The following PCDH7 variants were observed in gnomAD, a reference collection of about 807,000 sequenced individuals.
PCDH7 encodes the protein protocadherin-7.
Under a neutral mutation model 58.9 loss-of-function variants are expected in PCDH7, and 17 were observed. The observed-to-expected ratio is 0.29, with a 90% confidence interval of 0.20 to 0.43. PCDH7 has a LOEUF of 0.43. Ranked by LOEUF, PCDH7 falls within the 20% of genes least tolerant of loss-of-function variation. The pLI is 1.00. For missense variants in PCDH7, 1,274 were observed against 1,441.0 expected (o/e 0.88, Z 1.88); for synonymous variants, 664 against 616.4 (o/e 1.08, Z -1.14).
chr4:30,892,583 G>T (rs982409491), intron 1 of PCDH7, among the ~76,000 whole-genome samples: 1 of 151,990 alleles, frequency 6.6e-6, no homozygotes, highest in Non-Finnish European at 1.5e-5. Flanking sequence ...TTCATGCAAT[G>T]AATTATACTG....
At chr4:31,067,554 T>C (rs1463977446) in intron 3 of PCDH7, among the ~76,000 whole-genome samples, 1 of 151,862 alleles carries the variant, frequency 6.6e-6, no homozygotes, top group Non-Finnish European at 1.5e-5. Flanking sequence ...CAGTAGGTAT[T>C]AGCAGGAGGA....
At chr4:31,085,195 G>A (rs1249776069) in intron 3 of PCDH7, among the ~76,000 whole-genome samples, 1 of 151,984 alleles carries the variant, frequency 6.6e-6, no homozygotes, top group Non-Finnish European at 1.5e-5. Context: ...ATAGGGAGTC[G>A]GAGCTGTCTT....
chr4:30,962,776 TAAAAAAAAAAAAAAAAAA>T (rs57257786), intron 3 of PCDH7, among the ~76,000 whole-genome samples: 2 of 70,610 alleles, frequency 2.8e-5, no homozygotes, highest in Admixed American at 1.7e-4. Flanking sequence ...GACCCAGTCT[TAAAAAAAAAAAAAAAAAA>T]AAAAAAAAAA....
intron 1 of PCDH7, among the ~76,000 whole-genome samples, chr4:30,772,825 T>C (rs1721585577): frequency 6.6e-6 from 1 of 152,232 alleles, no homozygotes; most frequent in South Asian, 2.1e-4. Flanking sequence ...TAGAAAGTGT[T>C]TTTACATGTA....
chr4:30,808,956 C>A (rs1426806923), intron 1 of PCDH7, among the ~76,000 whole-genome samples: 1 of 152,152 alleles, frequency 6.6e-6, no homozygotes, highest in Non-Finnish European at 1.5e-5. Context: ...AAGCACCCAT[C>A]TGGTAATTCT....
At chr4:30,860,598 G>A (rs1734079487) in intron 1 of PCDH7, among the ~76,000 whole-genome samples, 1 of 152,056 alleles carries the variant, frequency 6.6e-6, no homozygotes, top group African/African-American at 2.4e-5. Context: ...TATCTGCCCA[G>A]GATCTTCTCT....
At chr4:31,082,066 G>T (rs1032336561) in intron 3 of PCDH7, among the ~76,000 whole-genome samples, 3 of 152,130 alleles carry the variant, frequency 2.0e-5, no homozygotes, top group Non-Finnish European at 4.4e-5. Context: ...GATTACAGGC[G>T]TGAGTCACCA....
chr4:30,755,808 C>T (rs1246066484), intron 1 of PCDH7, among the ~76,000 whole-genome samples: 2 of 152,018 alleles, frequency 1.3e-5, no homozygotes, highest in African/African-American at 2.4e-5. Flanking sequence ...AGGCCAGGTG[C>T]GGTGGCTCAC....
intron 3 of PCDH7, among the ~76,000 whole-genome samples, chr4:31,025,776 G>C (rs549420013): frequency 1.3e-5 from 2 of 152,218 alleles, no homozygotes; most frequent in Non-Finnish European, 2.9e-5. Flanking sequence ...AATTAAGATT[G>C]CATTTTGCAA....
chr4:30,951,320 G>A (rs9992704), intron 3 of PCDH7, among the ~76,000 whole-genome samples: 43,771 of 151,934 alleles, frequency 0.29, 7,144 homozygotes, highest in African/African-American at 0.45. Context: ...ATTGGAATAC[G>A]GGAGAAATTG....
chr4:30,834,726 T>C (rs1327026154), intron 1 of PCDH7, among the ~76,000 whole-genome samples: 1 of 152,114 alleles, frequency 6.6e-6, no homozygotes, highest in Non-Finnish European at 1.5e-5. Flanking sequence ...AAATCAGCTT[T>C]TTCCCTTTGC....
At chr4:31,072,074 C>T (rs1758589928) in intron 3 of PCDH7, among the ~76,000 whole-genome samples, 2 of 152,032 alleles carry the variant, frequency 1.3e-5, no homozygotes. Flanking sequence ...ACAACACTCA[C>T]ATGGCTGCAC....
chr4:30,952,944 T>C (rs1747511189), intron 3 of PCDH7, among the ~76,000 whole-genome samples: 1 of 152,196 alleles, frequency 6.6e-6, no homozygotes, highest in Non-Finnish European at 1.5e-5. Context: ...TAACACTAAT[T>C]AATCTGTTAG....
intron 1 of PCDH7, among the ~76,000 whole-genome samples, chr4:30,903,215 T>G (rs1466781600): frequency 6.6e-6 from 1 of 152,130 alleles, no homozygotes; most frequent in African/African-American, 2.4e-5. Flanking sequence ...TAAGTTTTTA[T>G]ATAAATAACT....
chr4:30,721,462 T>C lies in PCDH7; in HGVS notation c.40T>C (p.Cys14Arg). The change falls in exon 1 of 2, where the codon TGC becomes CGC. Residue 14 changes from cysteine to arginine, a missense_variant. Physicochemically the swap from Cys to Arg is radical, Grantham distance 180. Transcript: ENST00000361762. This position sits in a 1 kb window ranked among gnomAD's most constrained non-coding sequence, Gnocchi z 6.7. ...GACCGCGGGATGGGCGCGCGGCTGG[T>C]GCTTGGGCTGCTGCCTCCTCCTGCC... 6.4e-7 allele frequency: 1 copy of C among 1,568,148 alleles called. No homozygotes were observed. The highest frequency in any genetic ancestry group is 8.6e-7 in the Non-Finnish European group (1 of 1,162,644).
chr4:31,055,410 A>G (rs371165943), intron 3 of PCDH7, among the ~76,000 whole-genome samples: 1 of 152,244 alleles, frequency 6.6e-6, no homozygotes. Context: ...GGCATCTACA[A>G]AAGCTTTGGT....
At chr4:31,064,840 C>T (rs1337018294) in intron 3 of PCDH7, among the ~76,000 whole-genome samples, 3 of 151,818 alleles carry the variant, frequency 2.0e-5, no homozygotes, top group Non-Finnish European at 4.4e-5. Context: ...TTTGGGGACA[C>T]AAGTCAATTC....
chr4:30,729,490 C>T (rs1430467288), intron 1 of PCDH7, among the ~76,000 whole-genome samples: 1 of 151,920 alleles, frequency 6.6e-6, no homozygotes, highest in Non-Finnish European at 1.5e-5. Context: ...TAGAGTAAAG[C>T]ATCTTAACAT....
At chr4:30,734,686 T>G (rs895740963), downstream of PCDH7, among the ~76,000 whole-genome samples, 4 of 151,846 alleles carry the variant, frequency 2.6e-5, no homozygotes, top group African/African-American at 7.3e-5. Flanking sequence ...TGCTGTCAAG[T>G]TTTTTTTGCC....
Sources: gnomAD v4.1 joint callset for allele counts (sites outside exome capture counted in the v4.1 genomes callset) on GRCh38, gnomAD v4.1.1 for gene constraint, Gnocchi (gnomAD v3.1) non-coding constraint, MANE v1.5 for transcripts, NCBI Gene and HGNC (gene_info 2026-07-23, HGNC 2026-07-21) for gene names.